HIPK2: variants seen among roughly 807,000 people sequenced by gnomAD.
The protein encoded by HIPK2 is homeodomain-interacting protein kinase 2.
HIPK2 carries 27 observed loss-of-function variants against 113.7 expected under a neutral mutation model. That is an observed-to-expected ratio of 0.24 (90% CI 0.17 to 0.33). The LOEUF is 0.33. Among genes scored for constraint, HIPK2 ranks in the 10% least tolerant of loss-of-function variants. The probability of loss-of-function intolerance (pLI) is 1.00; values close to 1 mark genes in which losing one functional copy is unlikely to be tolerated. For synonymous variants in HIPK2, 631 were observed against 642.2 expected (o/e 0.98, Z 0.26); for missense variants, 1,257 against 1,588.0 (o/e 0.79, Z 3.54).
At chr7:139,705,808 C>G (rs1342973316) in intron 2 of HIPK2, among the ~76,000 whole-genome samples, 1 of 138,650 alleles carries the variant, frequency 7.2e-6, no homozygotes, top group Non-Finnish European at 1.6e-5. Flanking sequence ...CAAATAATAA[C>G]AAGGATGAAA....
At chr7:139,699,525 G>A (rs1351083255) in intron 2 of HIPK2, among the ~76,000 whole-genome samples, 2 of 152,182 alleles carry the variant, frequency 1.3e-5, no homozygotes, top group African/African-American at 2.4e-5. Context: ...TTTTGTCCAG[G>A]AGAAGTCTCA....
intron 2 of HIPK2, among the ~76,000 whole-genome samples, chr7:139,674,393 A>C (rs1303704340): frequency 1.3e-5 from 2 of 152,236 alleles, no homozygotes; most frequent in Non-Finnish European, 1.5e-5. Context: ...TGATTAGGTA[A>C]AACGGTGACT....
chr7:139,635,263 T>C (rs1434768120), intron 2 of HIPK2, among the ~76,000 whole-genome samples: 3 of 152,248 alleles, frequency 2.0e-5, no homozygotes, highest in Non-Finnish European at 2.9e-5. Flanking sequence ...GTCTGTAGGT[T>C]TGGATGTTTG....
chr7:139,715,905 C>T (rs1409150171), intron 2 of HIPK2, 27 bp downstream of exon 2: 1 of 1,598,910 alleles, frequency 6.3e-7, no homozygotes. Flanking sequence ...CATTCAGCAG[C>T]TCCTGTCTCC....
rs1191243829 is a variant in HIPK2, at chr7:139,608,137, G to A, written c.2113-3914C>T. On this transcript the variant is annotated intron_variant, in intron 9 of 14. Coordinates refer to ENST00000406875, the MANE Select transcript of HIPK2 (RefSeq NM_022740.5). ...CACATGCCTGTAATCCCAGCTACTCGGGAGGCTGAGGCACGAGAATTGCTT... is the reference window on the plus strand; with the variant it reads ...CACATGCCTGTAATCCCAGCTACTCAGGAGGCTGAGGCACGAGAATTGCTT... Among the ~76,000 whole-genome samples, 4 of 151,830 alleles carry A rather than the reference G, an allele frequency of 2.6e-5. No homozygotes were observed. In the East Asian group the frequency reaches 5.8e-4, roughly 22 times the overall value.
At chr7:139,713,096 C>T (rs1199752009) in intron 2 of HIPK2, among the ~76,000 whole-genome samples, 1 of 152,138 alleles carries the variant, frequency 6.6e-6, no homozygotes, top group African/African-American at 2.4e-5. Flanking sequence ...ACTATCACAA[C>T]TAAACGGAGG....
intron 2 of HIPK2, among the ~76,000 whole-genome samples, chr7:139,661,967 AATTG>A (rs772674684): frequency 3.9e-5 from 6 of 152,156 alleles, no homozygotes; most frequent in South Asian, 4.1e-4. Context: ...TTTTCACATT[AATTG>A]ATTATTAAAA....
chr7:139,673,892 A>T (rs1802397993), intron 2 of HIPK2, among the ~76,000 whole-genome samples: 2 of 24,026 alleles, frequency 8.3e-5, no homozygotes, highest in African/African-American at 5.1e-4. Context: ...TACTAAAAAA[A>T]AAAAAAAAAA....
At chr7:139,700,610 C>T (rs1277779475) in intron 2 of HIPK2, among the ~76,000 whole-genome samples, 2 of 152,176 alleles carry the variant, frequency 1.3e-5, no homozygotes, top group Non-Finnish European at 2.9e-5. Context: ...TTAACCCTCC[C>T]ACTCTGGTCA....
At chr7:139,699,114 G>A (rs949783830) in intron 2 of HIPK2, among the ~76,000 whole-genome samples, 1 of 152,140 alleles carries the variant, frequency 6.6e-6, no homozygotes, top group Non-Finnish European at 1.5e-5. Flanking sequence ...GGCTGCCGAC[G>A]CACAGTAGCT....
chr7:139,690,107 T>G (rs1794354747), intron 2 of HIPK2, among the ~76,000 whole-genome samples: 1 of 151,824 alleles, frequency 6.6e-6, no homozygotes. Context: ...ACAGCAGGTT[T>G]AAAGGGATGC....
chr7:139,595,788 G>C (rs551756818), intron 12 of HIPK2, among the ~76,000 whole-genome samples: 21 of 152,314 alleles, frequency 1.4e-4, no homozygotes, highest in Non-Finnish European at 2.6e-4. Context: ...TCTAATCAAA[G>C]GATTTGTGAT....
intron 1 of HIPK2, among the ~76,000 whole-genome samples, chr7:139,758,163 T>C (rs886092430): frequency 6.6e-6 from 1 of 152,136 alleles, no homozygotes; most frequent in Non-Finnish European, 1.5e-5. Context: ...AAAGTTCATA[T>C]GGAATAACAA....
chr7:139,647,880 A>G (rs1801299501), intron 2 of HIPK2, among the ~76,000 whole-genome samples: 2 of 152,280 alleles, frequency 1.3e-5, no homozygotes, highest in South Asian at 4.1e-4. Flanking sequence ...ACTGGAAATC[A>G]GCGAGGGCCT....
At position 139,565,457 on chromosome 7, in the gene HIPK2, T is replaced by C. The variant is rs1798062446; in HGVS notation, c.*7470A>G. On this transcript the variant is annotated 3_prime_UTR_variant, in exon 15 of 15. Transcript: ENST00000406875. ...ACAAATATTTCATAATAAATGATAA[T>C]AGTTATTTTAAAAAATTAAAAATCT... The C allele has an allele frequency of 6.6e-6, 1 of 152,162 alleles. No individual in the cohort carries two copies. Among genetic ancestry groups the C allele is most frequent in the Non-Finnish European group, 1.5e-5 (1 of 68,036 alleles). The allele number at this position is 152,162 out of a possible 1,614,324, so 9.4% of individuals were successfully genotyped here.
intron 2 of HIPK2, among the ~76,000 whole-genome samples, chr7:139,663,932 C>A (rs879464642): frequency 6.6e-6 from 1 of 152,228 alleles, no homozygotes; most frequent in Non-Finnish European, 1.5e-5. Context: ...TCCTCGACTT[C>A]TGCCAAGCCA....
At chr7:139,749,008 C>A (rs1482280076) in intron 1 of HIPK2, among the ~76,000 whole-genome samples, 3 of 152,236 alleles carry the variant, frequency 2.0e-5, no homozygotes, top group Non-Finnish European at 4.4e-5. Context: ...CTCGATTTAA[C>A]AAGGTCCAAG....
intron 9 of HIPK2, among the ~76,000 whole-genome samples, chr7:139,612,082 T>G (rs2116772796): frequency 6.6e-6 from 1 of 151,970 alleles, no homozygotes; most frequent in African/African-American, 2.4e-5. Context: ...GAACAGGGCT[T>G]CCCTACTAGA....
intron 12 of HIPK2, among the ~76,000 whole-genome samples, chr7:139,591,214 A>G (rs1021540872): frequency 6.6e-6 from 1 of 152,224 alleles, no homozygotes; most frequent in Non-Finnish European, 1.5e-5. Context: ...GTGTATATAA[A>G]TACACATATA....
Sources: allele counts gnomAD v4.1 joint callset (sites outside exome capture counted in the v4.1 genomes callset), GRCh38; gene constraint gnomAD v4.1.1; transcripts MANE v1.5; gene names NCBI Gene and HGNC (gene_info 2026-07-23, HGNC 2026-07-21).